Variants in PIP5K1B observed in about 807,000 individuals in gnomAD.
PIP5K1B encodes phosphatidylinositol-4-phosphate 5-kinase type 1 beta.
PIP5K1B carries 42 observed loss-of-function variants against 67.0 expected under a neutral mutation model. That is an observed-to-expected ratio of 0.63 (90% CI 0.49 to 0.81). The LOEUF is 0.81. Ranked by LOEUF, PIP5K1B falls within the 30% of genes least tolerant of loss-of-function variation. The pLI, the probability that PIP5K1B is intolerant of heterozygous loss-of-function variation, is 0.00. For missense variants in PIP5K1B, 459 were observed against 646.3 expected (o/e 0.71, Z 3.14); for synonymous variants, 214 against 231.4 (o/e 0.92, Z 0.68).
intron 8 of PIP5K1B, among the ~76,000 whole-genome samples, chr9:68,916,774 A>G (rs1348858195): frequency 6.6e-6 from 1 of 152,006 alleles, no homozygotes; most frequent in Non-Finnish European, 1.5e-5. Context: ...TGGGAGGCTG[A>G]GGCAGTAGAA....
intron 14 of PIP5K1B, among the ~76,000 whole-genome samples, chr9:68,985,065 G>A (rs1366910117): frequency 3.3e-5 from 5 of 152,158 alleles, no homozygotes; most frequent in South Asian, 2.1e-4. Context: ...TGGGATGCTC[G>A]AGTGAGGTGG....
chr9:68,977,601 T>C, intron 14 of PIP5K1B, among the ~76,000 whole-genome samples: 1 of 152,164 alleles, frequency 6.6e-6, no homozygotes, highest in East Asian at 1.9e-4. Context: ...GATGTTATTT[T>C]GGTGGCGTAT....
rs148647977 is a variant in PIP5K1B at position 68,901,705 on chromosome 9, G to C, written c.771+7067G>C. Among the ~76,000 whole-genome samples, 346 of 152,258 alleles carry C rather than the reference G, an allele frequency of 2.3e-3. 2 individuals carry two copies. The highest frequency in any genetic ancestry group is 8.0e-3 in the African/African-American group (334 of 41,554). On this transcript the variant is annotated intron_variant, in intron 8 of 15. Transcript: ENST00000265382. Reference sequence around the variant, plus strand: ...ATAAGCATAAAGCAAAGTTAAAGTTGGTGAACAAATAAAACCAACTCATAG... The same window carrying C: ...ATAAGCATAAAGCAAAGTTAAAGTTCGTGAACAAATAAAACCAACTCATAG...
intron 14 of PIP5K1B, among the ~76,000 whole-genome samples, chr9:68,975,947 C>A (rs575963011): frequency 6.6e-6 from 1 of 152,336 alleles, no homozygotes; most frequent in South Asian, 2.1e-4. Flanking sequence ...ATGTCTGCAA[C>A]AAACTCATTC....
chr9:68,798,942 AAGAG>A (rs749878688), intron 2 of PIP5K1B, among the ~76,000 whole-genome samples: 38 of 152,206 alleles, frequency 2.5e-4, no homozygotes, highest in Non-Finnish European at 5.3e-4. Context: ...ACTAAGGAGA[AAGAG>A]AGAGAAATCA....
At chr9:68,871,905 G>T (rs1262376229) in intron 5 of PIP5K1B, among the ~76,000 whole-genome samples, 3 of 33,916 alleles carry the variant, frequency 8.8e-5, no homozygotes, top group Non-Finnish European at 1.6e-4. Flanking sequence ...CAGTTGTCGG[G>T]TGTTTTTTTT....
chr9:68,849,061 G>C lies in PIP5K1B; in HGVS notation c.70-14776G>C, dbSNP rs66796539. 7.8e-3 allele frequency among the ~76,000 whole-genome samples: 1,186 copies of C among 152,288 alleles called. 8 individuals are homozygous for C. Among genetic ancestry groups the C allele is most frequent in the Non-Finnish European group, 0.012 (831 of 68,026 alleles). On this transcript the variant is annotated intron_variant, in intron 4 of 15. Transcript: ENST00000265382. ...GAAATCCGTAGAAGACATCTTGGCA[G>C]TACCTACCAAAAGTATAAATGTGCA... is the stretch of plus-strand genomic sequence containing the variant.
chr9:68,916,091 T>G (rs1394617374), intron 8 of PIP5K1B, among the ~76,000 whole-genome samples: 2 of 152,180 alleles, frequency 1.3e-5, no homozygotes, highest in Non-Finnish European at 2.9e-5. Context: ...TAGGCTATGA[T>G]CCTTCAGGGT....
rs544387826 is a variant in PIP5K1B at position 68,894,405 on chromosome 9, G to A, written c.538G>A (p.Gly180Ser). The change falls in exon 8 of 16, where the codon GGC becomes AGC. Residue 180 changes from glycine (G) to serine (S), a missense_variant. Physicochemically the swap from Gly to Ser is moderately conservative, Grantham distance 56. Around this residue, in one of 2 missense-constraint regions of PIP5K1B, gnomAD observed 290 missense variants for 474.4 expected, o/e 0.61. Coordinates refer to ENST00000265382, the MANE Select transcript of PIP5K1B (RefSeq NM_003558.4). ...FYGLYCMQSG[G>S]INIRIVVMNN... is the part of the protein sequence containing the mutation. ...CGGACTGTATTGTATGCAATCAGGA[G>A]GCATTAATATCAGGATTGTGGTGAT... 1.2e-6 allele frequency: 2 copies of A among 1,613,748 alleles called. No individual in the cohort carries two copies. Among genetic ancestry groups the A allele is most frequent in the South Asian group, 2.2e-5 (2 of 91,054 alleles).
Position 68,805,557 on chromosome 9 carries a change from C to T in PIP5K1B, c.-85-12904C>T, listed in dbSNP as rs193208334. On this transcript the variant is annotated intron_variant, in intron 2 of 15. Coordinates refer to ENST00000265382, the MANE Select transcript of PIP5K1B (RefSeq NM_003558.4). ...TATTTTTCAGATGAGGAAACTGAGG[C>T]ACACAGAGGTTAAGCCACTTGAGGA... Among the ~76,000 whole-genome samples, 827 of 152,266 alleles carry T rather than the reference C, an allele frequency of 5.4e-3. 7 individuals are homozygous for T. The highest frequency in any genetic ancestry group is 0.019 in the African/African-American group (791 of 41,546).
At chr9:68,737,866 C>G (rs1202815116) in intron 1 of PIP5K1B, among the ~76,000 whole-genome samples, 1 of 152,208 alleles carries the variant, frequency 6.6e-6, no homozygotes, top group East Asian at 1.9e-4. Flanking sequence ...CCAATTGTCA[C>G]ATTTTCTTTT....
intron 8 of PIP5K1B, among the ~76,000 whole-genome samples, chr9:68,911,599 G>T (rs1006390535): frequency 6.6e-6 from 1 of 151,440 alleles, no homozygotes; most frequent in African/African-American, 2.4e-5. Context: ...ATGGCCATGT[G>T]TAGACATTTA....
chr9:68,829,545 G>A (rs575855703), intron 4 of PIP5K1B, among the ~76,000 whole-genome samples: 3 of 152,172 alleles, frequency 2.0e-5, no homozygotes, highest in South Asian at 2.1e-4. Flanking sequence ...AGGATGCTGC[G>A]TCTTATGATG....
intron 14 of PIP5K1B, among the ~76,000 whole-genome samples, chr9:68,962,384 C>A (rs1828800342): frequency 6.6e-6 from 1 of 152,132 alleles, no homozygotes; most frequent in Non-Finnish European, 1.5e-5. Flanking sequence ...CATTCAAAAT[C>A]ATAAGACTTA....
At chr9:68,947,009 T>C (rs1451895341) in intron 14 of PIP5K1B, among the ~76,000 whole-genome samples, 1 of 152,208 alleles carries the variant, frequency 6.6e-6, no homozygotes, top group Non-Finnish European at 1.5e-5. Context: ...AAAACATTTG[T>C]TGAAATAAAA....
chr9:68,891,042 G>A (rs770323379), intron 7 of PIP5K1B, among the ~76,000 whole-genome samples: 16 of 152,156 alleles, frequency 1.1e-4, no homozygotes, highest in Non-Finnish European at 2.1e-4. Flanking sequence ...GAGCCCAGGT[G>A]TTCAAGTCCA....
intron 14 of PIP5K1B, among the ~76,000 whole-genome samples, chr9:68,969,365 CTCA>C (rs1458517671): frequency 1.1e-4 from 6 of 56,622 alleles, no homozygotes; most frequent in African/African-American, 3.7e-4. Context: ...GAGACTCCAC[CTCA>C]AAAAAAAAAA....
At chr9:68,968,307 G>A (rs1829146217) in intron 14 of PIP5K1B, among the ~76,000 whole-genome samples, 3 of 152,110 alleles carry the variant, frequency 2.0e-5, no homozygotes, top group Non-Finnish European at 4.4e-5. Context: ...ATCACTTGAG[G>A]TCAGGAGTTC....
intron 14 of PIP5K1B, among the ~76,000 whole-genome samples, chr9:68,968,614 CAT>C (rs563922467): frequency 6.6e-6 from 1 of 151,578 alleles, no homozygotes; most frequent in South Asian, 2.1e-4. Flanking sequence ...ATTTCTAGCA[CAT>C]GATATTTCAA....
Sources: gnomAD v4.1 joint callset for allele counts (sites outside exome capture counted in the v4.1 genomes callset) on GRCh38, gnomAD v4.1.1 for gene constraint, gnomAD v4.1.1 regional missense constraint, MANE v1.5 for transcripts, NCBI Gene and HGNC (gene_info 2026-07-23, HGNC 2026-07-21) for gene names.